IL27RA: variants seen among roughly 807,000 people sequenced by gnomAD.
The protein encoded by IL27RA is interleukin 27 receptor subunit alpha.
In IL27RA, 61 loss-of-function variants were observed where a neutral mutation model predicts 80.8. The ratio of observed to expected loss-of-function variants is 0.76; its 90% CI spans 0.61 to 0.93. The LOEUF is 0.93. Among genes scored for constraint, IL27RA ranks in the 40% least tolerant of loss-of-function variants. The pLI is 0.00. For synonymous variants in IL27RA, 316 were observed against 332.5 expected, an observed-to-expected ratio of 0.95 and a Z score of 0.54; for missense variants, 735 against 808.1, an observed-to-expected ratio of 0.91 and a Z score of 1.10.
chr19:14,041,883 T>C (rs940033806), intron 4 of IL27RA, among the ~76,000 whole-genome samples: 2 of 151,978 alleles, frequency 1.3e-5, no homozygotes, highest in Admixed American at 1.3e-4. Flanking sequence ...CTGGCCAAGA[T>C]GGTGAAACCC....
chr19:14,052,534 G>A lies in IL27RA; in HGVS notation c.*244G>A. On this transcript the variant is annotated 3_prime_UTR_variant, in exon 14 of 14. Coordinates refer to ENST00000263379, the MANE Select transcript of IL27RA (RefSeq NM_004843.4). The stretch of plus-strand genomic sequence containing the variant: ...CAAAGGAAAATACATGAAATTGAGA[G>A]TGGCAGCTGCCTGCCAAAATCTGTT... 2.4e-6 allele frequency: 1 copy of A among 411,612 alleles called. No individual in the cohort carries two copies. 25.5% of individuals were successfully genotyped at this position (411,612 alleles called of 1,614,324 possible).
intron 2 of IL27RA, among the ~76,000 whole-genome samples, chr19:14,037,835 T>TC (rs71170591): frequency 9.3e-4 from 68 of 73,056 alleles, no homozygotes; most frequent in South Asian, 8.6e-3. Flanking sequence ...TCTCTCTCTC[T>TC]TTTTTTTTTT....
intron 2 of IL27RA, among the ~76,000 whole-genome samples, chr19:14,038,332 C>G (rs6511909): frequency 0.35 from 52,456 of 151,720 alleles, 12,087 homozygotes; most frequent in African/African-American, 0.66. Flanking sequence ...TTTTTGTAGA[C>G]ATGGGGGTCT....
chr19:14,050,823 A>G lies in IL27RA; in HGVS notation c.1468A>G (p.Thr490Ala). 1.2e-6 allele frequency: 2 copies of G among 1,613,636 alleles called. No individual in the cohort carries two copies. Among genetic ancestry groups the G allele is most frequent in the Non-Finnish European group, 1.7e-6 (2 of 1,179,646 alleles). Residue 490 changes from threonine to alanine, a missense_variant, in exon 11 of 14, where the codon ACA becomes GCA. Transcript: ENST00000263379. ...TTGGGGTCCCTGTGAGCTGTGGGTG[A>G]CAGCATCTACCATCGCTGGACAGGG... The part of the protein sequence containing the change: ...LPWGPCELWV[T>A]ASTIAGQGPP...
chr19:14,045,749 G>T (rs1414910084), intron 6 of IL27RA, among the ~76,000 whole-genome samples: 1 of 151,540 alleles, frequency 6.6e-6, no homozygotes, highest in Non-Finnish European at 1.5e-5. Flanking sequence ...ACCTGGCCAG[G>T]TTTGCTGACT....
chr19:14,051,796 G>C (rs1976169763), intron 12 of IL27RA, 84 bp from the exon 13 acceptor site: 1 of 1,410,622 alleles, frequency 7.1e-7, no homozygotes, highest in African/African-American at 1.4e-5. Context: ...GCCTCAGGGC[G>C]CAGTCACATT....
chr19:14,040,933 G>A (rs1381561405), intron 4 of IL27RA, among the ~76,000 whole-genome samples: 1 of 140,878 alleles, frequency 7.1e-6, no homozygotes, highest in Non-Finnish European at 1.5e-5. Flanking sequence ...ATGGCGTTTT[G>A]CTCTTAATTG....
chr19:14,045,052 G>A (rs1365375218), intron 6 of IL27RA, among the ~76,000 whole-genome samples: 2 of 151,232 alleles, frequency 1.3e-5, no homozygotes, highest in Non-Finnish European at 2.9e-5. Context: ...CTGAACCCGG[G>A]GAGGTTGCAG....
At chr19:14,047,316 C>G (rs1342529002) in intron 8 of IL27RA, among the ~76,000 whole-genome samples, 1 of 145,508 alleles carries the variant, frequency 6.9e-6, no homozygotes. Flanking sequence ...TCCCAAAGTG[C>G]TGGGATTACA....
At chr19:14,048,236 G>A (rs1976099818) in intron 8 of IL27RA, among the ~76,000 whole-genome samples, 1 of 151,870 alleles carries the variant, frequency 6.6e-6, no homozygotes, top group South Asian at 2.1e-4. Context: ...GGGATGACAG[G>A]CATGAGCCAC....
chr19:14,041,481 G>A (rs1425496987), intron 4 of IL27RA, among the ~76,000 whole-genome samples: 2 of 151,994 alleles, frequency 1.3e-5, no homozygotes, highest in African/African-American at 2.4e-5. Context: ...GATTACAGGC[G>A]TGAGCCACCT....
At chr19:14,036,918 CT>C (rs1329220541) in intron 2 of IL27RA, among the ~76,000 whole-genome samples, 1 of 152,136 alleles carries the variant, frequency 6.6e-6, no homozygotes, top group Admixed American at 6.6e-5. Flanking sequence ...TCACTGCAAC[CT>C]CTGCCTCCAG....
intron 8 of IL27RA, among the ~76,000 whole-genome samples, chr19:14,047,358 CTTT>C (rs146646872): frequency 7.7e-6 from 1 of 129,672 alleles, no homozygotes; most frequent in Non-Finnish European, 1.7e-5. Context: ...CCTAACTTTT[CTTT>C]TTTTTTTTTT....
intron 6 of IL27RA, among the ~76,000 whole-genome samples, chr19:14,043,883 A>G: frequency 6.6e-6 from 1 of 150,916 alleles, no homozygotes; most frequent in East Asian, 2.0e-4. Context: ...CCCCATCTCT[A>G]CTAAAAATAC....
chr19:14,042,946 A>G (rs1179730208), intron 6 of IL27RA, among the ~76,000 whole-genome samples, 157 bp downstream of exon 6: 1 of 152,124 alleles, frequency 6.6e-6, no homozygotes, highest in Non-Finnish European at 1.5e-5. Context: ...GTTGGAGACC[A>G]GCCTGGCCAA....
intron 10 of IL27RA, among the ~76,000 whole-genome samples, chr19:14,049,737 A>G (rs1285063286): frequency 1.3e-5 from 2 of 151,812 alleles, no homozygotes; most frequent in Non-Finnish European, 2.9e-5. Flanking sequence ...GCATGCCACC[A>G]TGCCCGGCTA....
In IL27RA at chr19:14,042,598, A is replaced by G; in HGVS notation, c.680A>G (p.Gln227Arg). ...WGEWSPILSFQTPPSAPKDVW... is the reference protein window; with the variant it reads ...WGEWSPILSFRTPPSAPKDVW... ...GAGTGGAGCCCCATTTTGTCCTTCC[A>G]GACACCGCCTTCTGGTGAGGATATC... Residue 227 changes from glutamine (Q) to arginine (R), a missense_variant, in exon 5 of 14, where the codon CAG (glutamine) becomes CGG (arginine). Transcript: ENST00000263379. 1 of 1,614,130 alleles carries G rather than the reference A, an allele frequency of 6.2e-7. No homozygotes were observed. The highest frequency in any genetic ancestry group is 8.5e-7 in the Non-Finnish European group (1 of 1,180,016).
intron 2 of IL27RA, among the ~76,000 whole-genome samples, chr19:14,037,286 A>C (rs1975917073): frequency 6.7e-6 from 1 of 150,072 alleles, no homozygotes; most frequent in Admixed American, 6.6e-5. Context: ...TTTGAGACAG[A>C]GTCTCACTCT....
intron 4 of IL27RA, among the ~76,000 whole-genome samples, chr19:14,042,090 T>C (rs1377978298): frequency 6.6e-6 from 1 of 151,962 alleles, no homozygotes; most frequent in Non-Finnish European, 1.5e-5. Flanking sequence ...TCCCAGCTAC[T>C]TGGGAGGCTG....
Sources: allele counts gnomAD v4.1 joint callset (sites outside exome capture counted in the v4.1 genomes callset), GRCh38; gene constraint gnomAD v4.1.1; transcripts MANE v1.5; gene names NCBI Gene and HGNC (gene_info 2026-07-23, HGNC 2026-07-21).